DDX25: variants seen among roughly 807,000 people sequenced by gnomAD.
DDX25 encodes the protein ATP-dependent RNA helicase DDX25.
A neutral mutation model predicts 64.6 loss-of-function variants in DDX25; 70 were observed. The observed-to-expected ratio is 1.08, with a 90% CI of 0.89 to 1.32. The LOEUF is 1.32. Among genes scored for constraint, DDX25 ranks in the 40% most tolerant of loss-of-function variants. The probability of loss-of-function intolerance (pLI) is 0.00; values close to 1 mark genes in which losing one functional copy is unlikely to be tolerated. For synonymous variants in DDX25, 211 were observed against 213.3 expected (o/e 0.99, Z 0.09); for missense variants, 587 against 604.4 (o/e 0.97, Z 0.30).
At chr11:125,910,047 C>T (rs187371295) in intron 6 of DDX25, among the ~76,000 whole-genome samples, 1 of 152,212 alleles carries the variant, frequency 6.6e-6, no homozygotes, top group East Asian at 1.9e-4. Context: ...AGCTTCCCTA[C>T]ATCCCATTCT....
At chr11:125,907,543 G>A (rs1259952637) in intron 4 of DDX25, among the ~76,000 whole-genome samples, 2 of 152,078 alleles carry the variant, frequency 1.3e-5, no homozygotes, top group Non-Finnish European at 2.9e-5. Flanking sequence ...GGGAGGTGGA[G>A]CTTGCAGTGA....
At chr11:125,916,086 T>C (rs559559638) in intron 8 of DDX25, among the ~76,000 whole-genome samples, 3 of 152,318 alleles carry the variant, frequency 2.0e-5, no homozygotes, top group South Asian at 2.1e-4. Context: ...AGGCTTAAAA[T>C]TGAGTTTGAG....
Position 125,916,926 on chromosome 11 carries a change from G to A in DDX25, c.801-88G>A, listed in dbSNP as rs1344563945. ...AGCACCTCACGTGGAACAGGGGTGC[G>A]TGCAGCGGCTGATGGCAGTGGCATG... On this transcript the variant is annotated intron_variant, in intron 8 of 11. Coordinates refer to ENST00000263576, the MANE Select transcript of DDX25 (RefSeq NM_013264.5). 2.3e-5 allele frequency: 29 copies of A among 1,287,574 alleles called. No individual in the cohort carries two copies. In the East Asian group the frequency reaches 2.3e-4, roughly 10 times the overall value. 79.8% of individuals were successfully genotyped at this position (1,287,574 alleles called of 1,614,324 possible). A position where few individuals can be genotyped will look rare whatever the true frequency, so the allele number is the denominator to read the frequency against.
Position 125,925,142 on chromosome 11 carries a change from C to T in DDX25, c.*2261C>T, listed in dbSNP as rs1945156136. On this transcript the variant is annotated 3_prime_UTR_variant, in exon 12 of 12. Coordinates refer to ENST00000263576, the MANE Select transcript of DDX25 (RefSeq NM_013264.5). ...CTTTGTTCTCTTACTATTCGAGAAT[C>T]GAGTTGGACCTTCCACCGTGCTCAG... 8.7e-6 allele frequency: 2 copies of T among 229,684 alleles called. No homozygotes were observed. The highest frequency in any genetic ancestry group is 5.5e-5 in the South Asian group (1 of 18,162). The allele number at this position is 229,684 out of a possible 1,614,324, so 14.2% of individuals were successfully genotyped here.
chr11:125,917,051 G>A lies in DDX25; in HGVS notation c.838G>A (p.Ala280Thr). The change falls in exon 9 of 12, where the codon GCA (alanine) becomes ACA (threonine). Residue 280 changes from alanine to threonine, a missense_variant. Transcript: ENST00000263576. ...PSECQMLLFSATFEDSVWHFA... is the reference protein window; with the variant it reads ...PSECQMLLFSTTFEDSVWHFA... ...CGAATGCCAAATGCTCCTCTTTTCA[G>A]CAACCTTTGAGGACTCTGTGTGGCA... The A allele has an allele frequency of 6.2e-7, 1 of 1,607,108 alleles. No homozygotes were observed. Among genetic ancestry groups the A allele is most frequent in the Non-Finnish European group, 8.5e-7 (1 of 1,177,088 alleles).
At chr11:125,922,419 C>T (rs914261126) in intron 11 of DDX25, 30 of 173,268 alleles carry the variant, frequency 1.7e-4, no homozygotes, top group Non-Finnish European at 3.6e-5. Context: ...GTAGCACATC[C>T]ACCGACCTTT....
At chr11:125,906,001 G>A in intron 3 of DDX25, 73 bp from the exon 4 acceptor site, 1 of 1,478,758 alleles carries the variant, frequency 6.8e-7, no homozygotes, top group Non-Finnish European at 8.9e-7. Flanking sequence ...TACAACCACT[G>A]AAAGAGAAAG....
At chr11:125,922,333 C>T (rs1450902279) in intron 11 of DDX25, 1 of 153,126 alleles carries the variant, frequency 6.5e-6, no homozygotes, top group East Asian at 1.9e-4. Flanking sequence ...AAGCAATAAG[C>T]GCTGTCCCCA....
At chr11:125,905,024 T>C (rs1327978778) in intron 1 of DDX25, among the ~76,000 whole-genome samples, 188 bp from the exon 2 acceptor site, 1 of 151,882 alleles carries the variant, frequency 6.6e-6, no homozygotes, top group Non-Finnish European at 1.5e-5. Context: ...ATACAGAAAA[T>C]CTCCAATTTT....
At position 125,906,745 on chromosome 11, in the gene DDX25, G is replaced by A. The variant is rs1944893653; in HGVS notation, c.311+536G>A. Reference sequence around the variant, plus strand: ...GGAGGCTGAGGTAGGAGAATCGCCTGAACCCAGGAGGCAGAGGTTGCAGTG... The same window carrying A: ...GGAGGCTGAGGTAGGAGAATCGCCTAAACCCAGGAGGCAGAGGTTGCAGTG... On this transcript the variant is annotated intron_variant, in intron 4 of 11. Transcript: ENST00000263576. Among the ~76,000 whole-genome samples, 5 of 145,072 alleles carry A rather than the reference G, an allele frequency of 3.4e-5. No homozygotes were observed. The South Asian group carries it at 1.1e-3, about 32-fold the overall frequency.
At chr11:125,913,375 A>G (rs1048531623) in intron 8 of DDX25, among the ~76,000 whole-genome samples, 2 of 152,112 alleles carry the variant, frequency 1.3e-5, no homozygotes, top group Non-Finnish European at 2.9e-5. Flanking sequence ...CTGAAAAACA[A>G]TATAAAAGAG....
intron 8 of DDX25, among the ~76,000 whole-genome samples, chr11:125,916,554 T>C (rs979817012): frequency 1.3e-5 from 2 of 152,216 alleles, no homozygotes; most frequent in African/African-American, 2.4e-5. Flanking sequence ...TCCCCTTTAA[T>C]TTGTATCTAG....
chr11:125,912,205 C>T (rs1591517795), intron 8 of DDX25, among the ~76,000 whole-genome samples: 1 of 152,174 alleles, frequency 6.6e-6, no homozygotes, highest in Non-Finnish European at 1.5e-5. Context: ...CTGCTGTTTC[C>T]TGATGTATAG....
At position 125,921,380 on chromosome 11, in the gene DDX25, G is replaced by A. The variant is rs1945113499; in HGVS notation, c.1390+1G>A. 1.2e-6 allele frequency: 2 copies of A among 1,613,076 alleles called. No homozygotes were observed. The highest frequency in any genetic ancestry group is 1.3e-5 in the African/African-American group (1 of 74,878). ...CTCATGAAAATCCAGGACCACTTTA[G>A]TAAGTAGCACCACCCTCACAATATG... On this transcript the variant is annotated splice_donor_variant, in intron 11 of 11. Coordinates refer to ENST00000263576, the MANE Select transcript of DDX25 (RefSeq NM_013264.5). LOFTEE classifies it high-confidence loss of function. This position sits in a 1 kb window ranked among gnomAD's most constrained non-coding sequence, Gnocchi z 4.1.
chr11:125,910,787 A>G (rs1944956170), intron 7 of DDX25, among the ~76,000 whole-genome samples: 1 of 152,246 alleles, frequency 6.6e-6, no homozygotes, highest in Non-Finnish European at 1.5e-5. Context: ...TCGTTAAAAT[A>G]TTATAAGCTT....
At position 125,922,694 on chromosome 11, in the gene DDX25, T is replaced by C; in HGVS notation, c.1391-126T>C. On this transcript the variant is annotated intron_variant, in intron 11 of 11. Transcript: ENST00000263576. The stretch of plus-strand genomic sequence containing the variant: ...TATTGGTCAGTGATTTTGGCACCCT[T>C]CCTTCCTTATGTTCCTATACCAAGG... The C allele has an allele frequency of 1.3e-5, 10 of 781,752 alleles. No individual in the cohort carries two copies. The South Asian group carries it at 2.3e-4, about 18-fold the overall frequency. The allele number at this position is 781,752 out of a possible 1,614,324, so 48.4% of individuals were successfully genotyped here. A position where few individuals can be genotyped will look rare whatever the true frequency, so the allele number is the denominator to read the frequency against.
At chr11:125,913,763 C>G (rs878922073) in intron 8 of DDX25, among the ~76,000 whole-genome samples, 53 of 152,094 alleles carry the variant, frequency 3.5e-4, no homozygotes, top group African/African-American at 1.2e-3. Context: ...TTCTCAAAAC[C>G]TGGGCCTGCC....
At chr11:125,914,149 G>A (rs1016649735) in intron 8 of DDX25, among the ~76,000 whole-genome samples, 2 of 152,132 alleles carry the variant, frequency 1.3e-5, no homozygotes, top group Middle Eastern at 3.2e-3. Flanking sequence ...GTTTGCTACA[G>A]CCTCTTTCAC....
At position 125,925,544 on chromosome 11, in the gene DDX25, A is replaced by G. The variant is rs1945159304; in HGVS notation, c.*2663A>G. Reference sequence around the variant, plus strand: ...TCTCTCTCAGTGCCTGCCTGAGGACAGAGTAGATAGAGAGGCAAGGAAACA... The same window carrying G: ...TCTCTCTCAGTGCCTGCCTGAGGACGGAGTAGATAGAGAGGCAAGGAAACA... On this transcript the variant is annotated 3_prime_UTR_variant, in exon 12 of 12. Transcript: ENST00000263576. 2 of 439,704 alleles carry G rather than the reference A, an allele frequency of 4.5e-6. No individual in the cohort carries two copies. Among genetic ancestry groups the G allele is most frequent in the African/African-American group, 4.0e-5 (2 of 49,766 alleles). 27.2% of individuals were successfully genotyped at this position (439,704 alleles called of 1,614,324 possible). A position where few individuals can be genotyped will look rare whatever the true frequency, so the allele number is the denominator to read the frequency against.
Sources: gnomAD v4.1 joint callset for allele counts (sites outside exome capture counted in the v4.1 genomes callset) on GRCh38, gnomAD v4.1.1 for gene constraint, Gnocchi (gnomAD v3.1) non-coding constraint, MANE v1.5 for transcripts, NCBI Gene and HGNC (gene_info 2026-07-23, HGNC 2026-07-21) for gene names.